Variants in MGAT5 observed in about 807,000 individuals in gnomAD.
MGAT5 encodes alpha-1,6-mannosylglycoprotein 6-beta-N-acetylglucosaminyltransferase, also known as alpha-1,6-mannosylglycoprotein 6-beta-N-acetylglucosaminyltransferase A.
In MGAT5, 30 loss-of-function variants were observed where a neutral mutation model predicts 94.3. The ratio of observed to expected loss-of-function variants is 0.32; its 90% CI spans 0.24 to 0.43. MGAT5 has a LOEUF of 0.43. Among genes scored for constraint, MGAT5 ranks in the 20% least tolerant of loss-of-function variants. The pLI is 1.00. For missense variants in MGAT5, 691 were observed against 905.5 expected (o/e 0.76, Z 3.04); for synonymous variants, 310 against 322.9 (o/e 0.96, Z 0.43).
intron 11 of MGAT5, among the ~76,000 whole-genome samples, chr2:134,410,019 G>A (rs1683555355): frequency 6.6e-6 from 1 of 152,196 alleles, no homozygotes; most frequent in Non-Finnish European, 1.5e-5. Context: ...GCTTCTGAAG[G>A]CAAGGTGAAG....
intron 11 of MGAT5, among the ~76,000 whole-genome samples, chr2:134,404,343 C>T (rs1683222215): frequency 6.6e-6 from 1 of 152,212 alleles, no homozygotes; most frequent in Non-Finnish European, 1.5e-5. Context: ...TGTGATACTT[C>T]ATTTATAAAA....
At chr2:134,353,069 T>C (rs2106065105) in intron 9 of MGAT5, among the ~76,000 whole-genome samples, 1 of 152,282 alleles carries the variant, frequency 6.6e-6, no homozygotes, top group East Asian at 1.9e-4. Context: ...GTTTAATGGC[T>C]ATGGGGTTTC....
At chr2:134,380,696 C>T (rs1681483498) in intron 10 of MGAT5, among the ~76,000 whole-genome samples, 1 of 152,178 alleles carries the variant, frequency 6.6e-6, no homozygotes, top group Non-Finnish European at 1.5e-5. Context: ...CTTTCACTGT[C>T]CTGCTTATGG....
intron 9 of MGAT5, among the ~76,000 whole-genome samples, chr2:134,355,417 T>C (rs1055717387): frequency 2.0e-5 from 3 of 152,240 alleles, no homozygotes; most frequent in African/African-American, 7.2e-5. Flanking sequence ...AAGTGGCTAG[T>C]TCCTAAGTCA....
At chr2:134,155,851 C>A (rs944396670) in intron 1 of MGAT5, among the ~76,000 whole-genome samples, 4 of 151,914 alleles carry the variant, frequency 2.6e-5, no homozygotes, top group African/African-American at 9.7e-5. Flanking sequence ...TTTTTCTGGC[C>A]AACTCCTGCC....
At chr2:134,164,003 A>G (rs1203163455) in intron 1 of MGAT5, among the ~76,000 whole-genome samples, 1 of 152,238 alleles carries the variant, frequency 6.6e-6, no homozygotes, top group Admixed American at 6.5e-5. Context: ...CAGAGAGAGA[A>G]GAAATGCAGT....
At chr2:134,332,245 G>A (rs1308071046) in intron 4 of MGAT5, among the ~76,000 whole-genome samples, 1 of 152,036 alleles carries the variant, frequency 6.6e-6, no homozygotes, top group Non-Finnish European at 1.5e-5. Flanking sequence ...CAGAGATCTA[G>A]ATCAATGGAA....
At chr2:134,401,114 A>G (rs1488488444) in intron 10 of MGAT5, among the ~76,000 whole-genome samples, 5 of 148,816 alleles carry the variant, frequency 3.4e-5, no homozygotes, top group Admixed American at 2.0e-4. Flanking sequence ...GCTCTGTGTC[A>G]TGCTTGCAGT....
intron 7 of MGAT5, among the ~76,000 whole-genome samples, chr2:134,344,452 A>G (rs912324519): frequency 6.6e-6 from 1 of 152,050 alleles, no homozygotes; most frequent in African/African-American, 2.4e-5. Flanking sequence ...TAAGGGTGCT[A>G]AGCGGTAAGA....
intron 1 of MGAT5, among the ~76,000 whole-genome samples, chr2:134,241,859 G>T (rs920477437): frequency 3.3e-5 from 5 of 152,186 alleles, no homozygotes; most frequent in Non-Finnish European, 5.9e-5. Context: ...TGGATGGATT[G>T]TGTATCCCTT....
chr2:134,345,103 C>T, intron 8 of MGAT5, 39 bp downstream of exon 8: 2 of 1,586,246 alleles, frequency 1.3e-6, no homozygotes, highest in Non-Finnish European at 1.7e-6. Flanking sequence ...GGTTTTTTTT[C>T]CCCTCCTTAA....
intron 5 of MGAT5, among the ~76,000 whole-genome samples, chr2:134,337,161 G>A (rs575632772): frequency 7.2e-5 from 11 of 152,128 alleles, no homozygotes; most frequent in East Asian, 1.9e-4. Flanking sequence ...CACAGGAGTC[G>A]TAGGATATTG....
intron 1 of MGAT5, among the ~76,000 whole-genome samples, chr2:134,159,781 C>G (rs193152009): frequency 1.3e-5 from 2 of 152,302 alleles, no homozygotes; most frequent in Admixed American, 6.5e-5. Flanking sequence ...TGAGTGGAGA[C>G]TGTGCTGGAA....
At chr2:134,342,435 A>G (rs1688684786) in intron 7 of MGAT5, among the ~76,000 whole-genome samples, 2 of 152,174 alleles carry the variant, frequency 1.3e-5, no homozygotes, top group South Asian at 4.1e-4. Context: ...CAGAAGGAAT[A>G]CCTTGAATGA....
At chr2:134,436,043 T>A (rs927254590) in intron 14 of MGAT5, among the ~76,000 whole-genome samples, 12 of 152,222 alleles carry the variant, frequency 7.9e-5, no homozygotes, top group African/African-American at 2.7e-4. Flanking sequence ...AACTTTTACC[T>A]CCAGACTCTT....
At chr2:134,390,846 C>T (rs548636308) in intron 10 of MGAT5, among the ~76,000 whole-genome samples, 95 of 152,302 alleles carry the variant, frequency 6.2e-4, no homozygotes, top group African/African-American at 2.2e-3. Context: ...TAGGTCTCCA[C>T]TGAAGTGGGC....
intron 1 of MGAT5, among the ~76,000 whole-genome samples, chr2:134,195,074 C>A (rs768680813): frequency 3.3e-5 from 5 of 152,078 alleles, no homozygotes; most frequent in Admixed American, 6.6e-5. Context: ...TCTCAAATAT[C>A]CCCCAGAACA....
chr2:134,417,684 A>T (rs2106344944), intron 12 of MGAT5, among the ~76,000 whole-genome samples: 1 of 152,150 alleles, frequency 6.6e-6, no homozygotes, highest in Middle Eastern at 3.4e-3. Flanking sequence ...AGGTTTCTCC[A>T]CTATGAAGTT....
intron 10 of MGAT5, among the ~76,000 whole-genome samples, chr2:134,379,609 G>GT (rs1452289448): frequency 6.6e-6 from 1 of 152,236 alleles, no homozygotes. Flanking sequence ...TGGGACAGAG[G>GT]TTTTTACCAG....
Sources: gnomAD v4.1 joint callset for allele counts (sites outside exome capture counted in the v4.1 genomes callset) on GRCh38, gnomAD v4.1.1 for gene constraint, MANE v1.5 for transcripts, NCBI Gene and HGNC (gene_info 2026-07-23, HGNC 2026-07-21) for gene names.